RAP1GAP2: variants seen among roughly 807,000 people sequenced by gnomAD.
The protein encoded by RAP1GAP2 is RAP1 GTPase activating protein 2, also known as rap1 GTPase-activating protein 2.
In RAP1GAP2, 27 loss-of-function variants were observed where a neutral mutation model predicts 95.0. That is an observed-to-expected ratio of 0.28 (90% CI 0.21 to 0.39). The LOEUF (loss-of-function observed/expected upper bound fraction) is 0.39, where lower values mean the gene tolerates loss of function less well. Ranked by LOEUF, RAP1GAP2 falls within the 10% of genes least tolerant of loss-of-function variation. The pLI, the probability that RAP1GAP2 is intolerant of heterozygous loss-of-function variation, is 1.00. For missense variants in RAP1GAP2, 771 were observed against 970.0 expected, an observed-to-expected ratio of 0.79 and a Z score of 2.72; for synonymous variants, 373 against 380.9, an observed-to-expected ratio of 0.98 and a Z score of 0.24.
intron 1 of RAP1GAP2, among the ~76,000 whole-genome samples, chr17:2,783,148 A>G (rs1305637880): frequency 6.6e-6 from 1 of 152,006 alleles, no homozygotes; most frequent in Non-Finnish European, 1.5e-5. Flanking sequence ...CTGAACCCAG[A>G]CCCGTTCTTC....
intron 19 of RAP1GAP2, 42 bp downstream of exon 19, chr17:3,020,637 TC>T: frequency 6.4e-7 from 1 of 1,558,966 alleles, no homozygotes; most frequent in African/African-American, 1.4e-5. Context: ...ACTTGCGGGG[TC>T]TGTCAACCCC....
chr17:2,926,900 G>C (rs925738753), intron 3 of RAP1GAP2, among the ~76,000 whole-genome samples: 1 of 151,086 alleles, frequency 6.6e-6, no homozygotes, highest in African/African-American at 2.4e-5. Flanking sequence ...CAGCTACTTG[G>C]GAGGTTGAGG....
At chr17:2,939,637 G>A (rs372182400) in intron 3 of RAP1GAP2, among the ~76,000 whole-genome samples, 1 of 152,192 alleles carries the variant, frequency 6.6e-6, no homozygotes, top group Non-Finnish European at 1.5e-5. Flanking sequence ...TGTCCCAGTC[G>A]TGCCTTCCGT....
chr17:3,032,540 G>A (rs190179928), intron 24 of RAP1GAP2, 91 bp downstream of exon 24: 8 of 1,300,232 alleles, frequency 6.2e-6, no homozygotes, highest in East Asian at 2.4e-5. Flanking sequence ...CCTCAGAATG[G>A]CCGGAGAGAT....
At chr17:2,923,892 A>AT (rs2042873530) in intron 3 of RAP1GAP2, among the ~76,000 whole-genome samples, 3 of 152,208 alleles carry the variant, frequency 2.0e-5, no homozygotes. Context: ...CATAAATGAG[A>AT]TCACACTGTT....
intron 3 of RAP1GAP2, among the ~76,000 whole-genome samples, chr17:2,926,588 A>G (rs1395883728): frequency 1.3e-5 from 2 of 152,018 alleles, no homozygotes; most frequent in African/African-American, 2.4e-5. Context: ...GGAGGTTTCT[A>G]TTAGTTTCTT....
rs201272144 is a variant in RAP1GAP2, at chr17:2,780,555, AC to A, written c.-14+3285del. On this transcript the variant is annotated intron_variant, in intron 1 of 24. Transcript: ENST00000540393. ...CCTCTCCCATCTCTGAGCAATGTGC[AC>A]CCCCCCCAGGAGAGGTCACAGAGTG... 5.3e-5 allele frequency among the ~76,000 whole-genome samples: 8 copies of A among 151,066 alleles called. No individual in the cohort carries two copies. The South Asian group carries it at 6.3e-4, about 12-fold the overall frequency.
At chr17:2,819,795 C>CT (rs539808008) in intron 2 of RAP1GAP2, among the ~76,000 whole-genome samples, 17,031 of 138,166 alleles carry the variant, frequency 0.12, 1,620 homozygotes, top group African/African-American at 0.26. Flanking sequence ...TCTCTTTCTC[C>CT]TTTTTTTTTT....
intron 2 of RAP1GAP2, among the ~76,000 whole-genome samples, chr17:2,901,422 T>G (rs1364729053): frequency 6.6e-6 from 1 of 152,114 alleles, no homozygotes; most frequent in African/African-American, 2.4e-5. Context: ...GCCCCTCCTC[T>G]CATGGGTCCT....
At chr17:3,023,445 C>T (rs1423292106) in intron 19 of RAP1GAP2, among the ~76,000 whole-genome samples, 1 of 152,090 alleles carries the variant, frequency 6.6e-6, no homozygotes, top group East Asian at 1.9e-4. Flanking sequence ...CTTCCAAATT[C>T]CCAGGTTTTC....
At chr17:2,912,921 A>C (rs1322996159) in intron 3 of RAP1GAP2, among the ~76,000 whole-genome samples, 1 of 152,146 alleles carries the variant, frequency 6.6e-6, no homozygotes, top group Non-Finnish European at 1.5e-5. Flanking sequence ...CACATGCCTG[A>C]AATCCCAGCA....
chr17:2,772,301 T>C (rs1426062618), upstream of RAP1GAP2, among the ~76,000 whole-genome samples: 1 of 152,142 alleles, frequency 6.6e-6, no homozygotes, highest in Non-Finnish European at 1.5e-5. Flanking sequence ...TTTTATTTAA[T>C]GTATTTTGAG....
chr17:2,999,455 A>T (rs1039186605), intron 14 of RAP1GAP2, among the ~76,000 whole-genome samples: 24 of 152,198 alleles, frequency 1.6e-4, no homozygotes, highest in Admixed American at 1.4e-3. Context: ...GCTCCGCAAA[A>T]TATCAGGAAC....
chr17:2,912,483 A>G (rs1168633508), intron 3 of RAP1GAP2, among the ~76,000 whole-genome samples: 1 of 152,028 alleles, frequency 6.6e-6, no homozygotes, highest in Non-Finnish European at 1.5e-5. Flanking sequence ...GGATGAAGGG[A>G]GGAGGCATTT....
upstream of RAP1GAP2, among the ~76,000 whole-genome samples, chr17:2,776,782 G>A (rs2068510894): frequency 6.6e-6 from 1 of 150,792 alleles, no homozygotes; most frequent in South Asian, 2.1e-4. Flanking sequence ...GCCGGGGTGC[G>A]CGCGTGCGCG....
intron 3 of RAP1GAP2, among the ~76,000 whole-genome samples, chr17:2,937,168 G>A (rs1567797683): frequency 6.6e-6 from 1 of 152,174 alleles, no homozygotes; most frequent in Non-Finnish European, 1.5e-5. Context: ...CCAAGTAGGA[G>A]TCAAGCAAAT....
intron 2 of RAP1GAP2, among the ~76,000 whole-genome samples, chr17:2,874,580 G>A (rs1367554622): frequency 6.6e-6 from 1 of 152,148 alleles, no homozygotes; most frequent in Non-Finnish European, 1.5e-5. Flanking sequence ...GGTGGAAAAG[G>A]GGGAGGGAGA....
intron 2 of RAP1GAP2, among the ~76,000 whole-genome samples, chr17:2,852,209 A>G (rs1034336622): frequency 6.6e-6 from 1 of 152,178 alleles, no homozygotes; most frequent in Non-Finnish European, 1.5e-5. Context: ...CACTACTGGC[A>G]TAGTACTTGC....
intron 1 of RAP1GAP2, among the ~76,000 whole-genome samples, chr17:2,768,356 A>G (rs1390348292): frequency 6.6e-6 from 1 of 152,230 alleles, no homozygotes; most frequent in Admixed American, 6.6e-5. Context: ...ACAGGAGGGC[A>G]GGGACTATGT....
Sources: allele counts gnomAD v4.1 joint callset (sites outside exome capture counted in the v4.1 genomes callset), GRCh38; gene constraint gnomAD v4.1.1; transcripts MANE v1.5; gene names NCBI Gene and HGNC (gene_info 2026-07-23, HGNC 2026-07-21).